ADCY4: variants seen among roughly 807,000 people sequenced by gnomAD.
The protein encoded by ADCY4 is adenylate cyclase 4, also known as adenylate cyclase type 4.
In ADCY4, 111 loss-of-function variants were observed where a neutral mutation model predicts 125.5. The observed-to-expected ratio is 0.88, with a 90% CI of 0.76 to 1.04. ADCY4 has a LOEUF of 1.04. ADCY4 is among the 50% of genes least tolerant of loss of function. The probability of loss-of-function intolerance (pLI) is 0.00; values close to 1 mark genes in which losing one functional copy is unlikely to be tolerated. For synonymous variants in ADCY4, 576 were observed against 586.9 expected (o/e 0.98, Z 0.27); for missense variants, 1,256 against 1,382.9 (o/e 0.91, Z 1.46).
chr14:24,319,477 C>T lies in ADCY4; in HGVS notation c.2734-41G>A, dbSNP rs1389491745. 1 of 1,587,216 alleles carries T rather than the reference C, an allele frequency of 6.3e-7. No individual in the cohort carries two copies. Among genetic ancestry groups the T allele is most frequent in the Non-Finnish European group, 8.6e-7 (1 of 1,156,310 alleles). On this transcript the variant is annotated intron_variant, in intron 21 of 24. Transcript: ENST00000418030. This position sits in a 1 kb window ranked among gnomAD's most constrained non-coding sequence, Gnocchi z 4.5. ...AGTCCTGTCCCCAGTCTCTCTTACT[C>T]TCTCCATCACCTCTCCCAGAAGCCC... is the stretch of plus-strand genomic sequence containing the variant.
At chr14:24,333,778 A>G (rs1414523905) in intron 1 of ADCY4, among the ~76,000 whole-genome samples, 4 of 152,190 alleles carry the variant, frequency 2.6e-5, no homozygotes, top group Non-Finnish European at 5.9e-5. Context: ...GGCGCGAGGC[A>G]GCGCTCGAGC....
At chr14:24,325,234 T>G (rs17184689) in intron 14 of ADCY4, 143 bp downstream of exon 14, 141,948 of 611,578 alleles carry the variant, frequency 0.23, 18,354 homozygotes, top group Admixed American at 0.38. Context: ...GATTATCATT[T>G]TCCCCAGAAC....
At chr14:24,323,705 C>G in intron 16 of ADCY4, 1 of 1,362,186 alleles carries the variant, frequency 7.3e-7, no homozygotes, top group Non-Finnish European at 9.5e-7. Flanking sequence ...CTTAGCCTCT[C>G]TGGGCCTTAG....
At chr14:24,329,294 C>T (rs993215385) in intron 9 of ADCY4, 60 bp from the exon 10 acceptor site, 6 of 1,591,096 alleles carry the variant, frequency 3.8e-6, no homozygotes, top group African/African-American at 1.3e-5. Flanking sequence ...TCCCTCCACC[C>T]CCCACTAGGA....
rs753434876 is a variant in ADCY4, at chr14:24,331,191, G to A, written c.818+17C>T. The A allele has an allele frequency of 4.3e-6, 7 of 1,614,002 alleles. No homozygotes were observed. The highest frequency in any genetic ancestry group is 4.2e-6 in the Non-Finnish European group (5 of 1,179,896). On this transcript the variant is annotated intron_variant, in intron 5 of 24. Coordinates refer to ENST00000418030, the MANE Select transcript of ADCY4 (RefSeq NM_001198568.2). ...TTAGCCCACAGGCCCCTCCCCTCCA[G>A]CCATTCTTCCTCATACCTGACTCCC... is the stretch of plus-strand genomic sequence containing the variant.
intron 6 of ADCY4, 77 bp downstream of exon 6, chr14:24,330,941 G>A: frequency 7.5e-7 from 1 of 1,324,676 alleles, no homozygotes; most frequent in Non-Finnish European, 1.0e-6. Context: ...CTTATAAGGT[G>A]GGAGTTTCCC....
At position 24,332,930 on chromosome 14, in the gene ADCY4, G is replaced by A. The variant is rs371404448; in HGVS notation, c.218C>T (p.Ser73Leu). ...CCGGGAAGCGAGGCCCAGCAGCAGC[G>A]AGAAGCCGCCCAGCGCGCACAGCAC... ...TTVLCALGGF[S>L]LLLGLASREQ... Residue 73 changes from serine to leucine, a missense_variant, in exon 2 of 25, where the codon TCG (serine) becomes TTG (leucine). Coordinates refer to ENST00000418030, the MANE Select transcript of ADCY4 (RefSeq NM_001198568.2). 1.9e-6 allele frequency: 3 copies of A among 1,597,254 alleles called. No homozygotes were observed. Among genetic ancestry groups the A allele is most frequent in the African/African-American group, 2.7e-5 (2 of 74,458 alleles).
chr14:24,331,798 T>C lies in ADCY4; in HGVS notation c.659A>G (p.Lys220Arg). 1 of 1,584,588 alleles carries C rather than the reference T, an allele frequency of 6.3e-7. No homozygotes were observed. The highest frequency in any genetic ancestry group is 8.6e-7 in the Non-Finnish European group (1 of 1,159,944). Residue 220 changes from lysine to arginine, a missense_variant, in exon 4 of 25, where the codon AAG becomes AGG. Physicochemically the swap from Lys to Arg is conservative, Grantham distance 26 (BLOSUM62 2). Coordinates refer to ENST00000418030, the MANE Select transcript of ADCY4 (RefSeq NM_001198568.2). ...CTAGGCCCGGCTGACCTGGTGCTTCTTCTCGGTGTCCAGCCGCCGGCGTGA... is the reference window on the plus strand; with the variant it reads ...CTAGGCCCGGCTGACCTGGTGCTTCCTCTCGGTGTCCAGCCGCCGGCGTGA... ...LHSRRRLDTEKKHQEHLLLSI... is the reference protein window; with the variant it reads ...LHSRRRLDTERKHQEHLLLSI...
In ADCY4 at chr14:24,329,950, C is replaced by T. The variant is rs200573593; in HGVS notation, c.1127G>A (p.Cys376Tyr). 2.5e-6 allele frequency: 4 copies of T among 1,614,160 alleles called. No homozygotes were observed. The highest frequency in any genetic ancestry group is 3.4e-6 in the Non-Finnish European group (4 of 1,180,014). The change falls in exon 8 of 25, where the codon TGT becomes TAT. Residue 376 changes from cysteine (C) to tyrosine (Y), a missense_variant. Transcript: ENST00000418030. ...CCACTTCTGCAGCCCGATGACTCCA[C>T]ACAGTACGCTGCCTGAGTGCACGCC... Reference protein sequence around the residue: ...RVGVHSGSVLCGVIGLQKWQY... With the variant: ...RVGVHSGSVLYGVIGLQKWQY...
rs2139233803 is a variant in ADCY4, at chr14:24,334,940, G to T, written c.-288C>A. 1 of 345,354 alleles carries T rather than the reference G, an allele frequency of 2.9e-6. No individual in the cohort carries two copies. The highest frequency in any genetic ancestry group is 5.3e-5 in the East Asian group (1 of 18,850). 21.4% of individuals were successfully genotyped at this position (345,354 alleles called of 1,614,324 possible). On this transcript the variant is annotated 5_prime_UTR_variant, in exon 1 of 25. Transcript: ENST00000418030. Reference sequence around the variant, plus strand: ...CATCGCCAGGAGGGCAGGATTTGGGGTTGGTGCGAGGGAGCCCCGGGTTCC... The same window carrying T: ...CATCGCCAGGAGGGCAGGATTTGGGTTTGGTGCGAGGGAGCCCCGGGTTCC...
At chr14:24,332,149 G>C (rs1327367544) in intron 3 of ADCY4, 8 of 536,856 alleles carry the variant, frequency 1.5e-5, no homozygotes, top group Admixed American at 4.1e-5. Context: ...TCACCAACAC[G>C]ACCTCTTAGG....
At chr14:24,326,199 G>A in intron 11 of ADCY4, 34 bp from the exon 12 acceptor site, 1 of 1,611,122 alleles carries the variant, frequency 6.2e-7, no homozygotes, top group East Asian at 2.2e-5. Flanking sequence ...TCACCACAGA[G>A]ACCCTCAGAG....
Position 24,329,138 on chromosome 14 carries a change from C to T in ADCY4, c.1447G>A (p.Glu483Lys). 1 of 1,613,974 alleles carries T rather than the reference C, an allele frequency of 6.2e-7. No homozygotes were observed. The highest frequency in any genetic ancestry group is 8.5e-7 in the Non-Finnish European group (1 of 1,179,928). The change falls in exon 10 of 25, where the codon GAG becomes AAG. Residue 483 changes from glutamate (E) to lysine (K), a missense_variant. By Grantham distance (56) the Glu-to-Lys change is moderately conservative. Transcript: ENST00000418030. ...AAAGGCTTGGCTGCGCCCCAGGACT[C>T]CAGGTAACGGGTCATCAGCAGTGAT... ...RPSLLMTRYLESWGAAKPFAH... is the reference protein window; with the variant it reads ...RPSLLMTRYLKSWGAAKPFAH...
Position 24,319,689 on chromosome 14 carries a change from G to A in ADCY4, c.2733+53C>T, listed in dbSNP as rs981667991. 2 of 1,610,100 alleles carry A rather than the reference G, an allele frequency of 1.2e-6. No individual in the cohort carries two copies. Among genetic ancestry groups the A allele is most frequent in the African/African-American group, 1.3e-5 (1 of 74,836 alleles). On this transcript the variant is annotated intron_variant, in intron 21 of 24. Transcript: ENST00000418030. This position sits in a 1 kb window ranked among gnomAD's most constrained non-coding sequence, Gnocchi z 4.5. ...AAGCAAAGTGGAAGGAGGTACTGGT[G>A]GAAAATTCTAGAATCTAGGACATAG... is the stretch of plus-strand genomic sequence containing the variant.
At chr14:24,320,012 G>A (rs2041828790) in intron 20 of ADCY4, 124 bp from the exon 21 acceptor site, 1 of 1,195,738 alleles carries the variant, frequency 8.4e-7, no homozygotes, top group Non-Finnish European at 1.1e-6. Context: ...GAATTGGGAA[G>A]GAGGGAGAGG....
chr14:24,324,308 A>G lies in ADCY4; in HGVS notation c.1907T>C (p.Met636Thr), dbSNP rs776877474. 7.4e-6 allele frequency: 12 copies of G among 1,614,132 alleles called. No homozygotes were observed. In the East Asian group the frequency reaches 1.3e-4, roughly 18 times the overall value. ...ILFVCFSEDL[M>T]RCVLKGPKML... ...CTTCCACCCCTCAGCCCACCTCACC[A>G]TCAGGTCCTCTGAGAAGCAGACAAA... The change falls in exon 15 of 25, where the codon ATG (methionine) becomes ACG (threonine). Residue 636 changes from methionine to threonine, a missense_variant and splice_region_variant. By Grantham distance (81) the Met-to-Thr change is moderately conservative (BLOSUM62 -1). Coordinates refer to ENST00000418030, the MANE Select transcript of ADCY4 (RefSeq NM_001198568.2).
Position 24,334,670 on chromosome 14 carries a change from G to A in ADCY4, c.-18C>T, listed in dbSNP as rs949457313. 9 of 1,526,622 alleles carry A rather than the reference G, an allele frequency of 5.9e-6. No homozygotes were observed. The highest frequency in any genetic ancestry group is 6.1e-6 in the Non-Finnish European group (7 of 1,139,586). 94.6% of individuals were successfully genotyped at this position (1,526,622 alleles called of 1,614,324 possible). ...CGGGCCATGATCTCCCCAGCCCCGAGCCCCGGGGCTGGCTAGGGCCGGGCG... is the reference window on the plus strand; with the variant it reads ...CGGGCCATGATCTCCCCAGCCCCGAACCCCGGGGCTGGCTAGGGCCGGGCG... On this transcript the variant is annotated 5_prime_UTR_variant, in exon 1 of 25. Transcript: ENST00000418030.
At chr14:24,323,135 A>G (rs958342300) in intron 17 of ADCY4, 47 bp from the exon 18 acceptor site, 378 of 1,593,480 alleles carry the variant, frequency 2.4e-4, no homozygotes, top group Non-Finnish European at 3.1e-4. Flanking sequence ...CCATAGGCAG[A>G]GGGGGGACAC....
Position 24,324,337 on chromosome 14 carries a change from G to T in ADCY4, c.1878C>A (p.Ile626=). The T allele has an allele frequency of 6.2e-7, 1 of 1,614,248 alleles. No individual in the cohort carries two copies. Among genetic ancestry groups the T allele is most frequent in the Non-Finnish European group, 8.5e-7 (1 of 1,180,040 alleles). Residue 626 remains isoleucine (I), a synonymous_variant, in exon 15 of 25, where the codon ATC becomes ATA. Coordinates refer to ENST00000418030, the MANE Select transcript of ADCY4 (RefSeq NM_001198568.2). The stretch of plus-strand genomic sequence containing the variant: ...GGTCCTCTGAGAAGCAGACAAAAAG[G>T]ATGAGGAGGAAGAGGAGGAAGGTGA... ...YSITFLLFLL[I]LFVCFSEDLM...
Sources: gnomAD v4.1 joint callset for allele counts (sites outside exome capture counted in the v4.1 genomes callset) on GRCh38, gnomAD v4.1.1 for gene constraint, Gnocchi (gnomAD v3.1) non-coding constraint, MANE v1.5 for transcripts, NCBI Gene and HGNC (gene_info 2026-07-23, HGNC 2026-07-21) for gene names.